The following IGF1 variants were observed in gnomAD, a reference collection of about 807,000 sequenced individuals.
The protein encoded by IGF1 is insulin like growth factor 1.
A neutral mutation model predicts 13.8 loss-of-function variants in IGF1; 4 were observed. The ratio of observed to expected loss-of-function variants is 0.29; its 90% CI spans 0.14 to 0.66. IGF1 has a LOEUF of 0.66. Among genes scored for constraint, IGF1 ranks in the 30% least tolerant of loss-of-function variants. IGF1 has a pLI of 0.78. For missense variants in IGF1, 124 were observed against 188.5 expected (o/e 0.66, Z 2.00); for synonymous variants, 76 against 72.6 (o/e 1.05, Z -0.23).
intron 3 of IGF1, among the ~76,000 whole-genome samples, chr12:102,406,685 A>G (rs17880004): frequency 6.6e-6 from 1 of 152,132 alleles, no homozygotes; most frequent in Non-Finnish European, 1.5e-5. Flanking sequence ...ACAGACACGC[A>G]TATTTAGGGT....
At chr12:102,451,197 T>A (rs1878886623) in intron 2 of IGF1, among the ~76,000 whole-genome samples, 1 of 152,252 alleles carries the variant, frequency 6.6e-6, no homozygotes, top group Non-Finnish European at 1.5e-5. Context: ...AATTGACTCC[T>A]GGATAGGAAT....
intron 2 of IGF1, among the ~76,000 whole-genome samples, chr12:102,430,248 T>C (rs1031095110): frequency 6.6e-6 from 1 of 152,190 alleles, no homozygotes; most frequent in Non-Finnish European, 1.5e-5. Flanking sequence ...GCAGCCTCCA[T>C]TCTCTCTTCT....
intron 2 of IGF1, among the ~76,000 whole-genome samples, chr12:102,459,744 C>G (rs117307544): frequency 6.6e-6 from 1 of 152,142 alleles, no homozygotes; most frequent in Non-Finnish European, 1.5e-5. Flanking sequence ...TGCCTTCTTC[C>G]TTCACCAGAA....
At position 102,399,518 on chromosome 12, in the gene IGF1, AG is replaced by A. The variant is rs1337586205; in HGVS notation, c.*2988del. The A allele has an allele frequency of 6.6e-6, 1 of 152,182 alleles. No homozygotes were observed. Among genetic ancestry groups the A allele is most frequent in the Admixed American group, 6.5e-5 (1 of 15,272 alleles). 9.4% of individuals were successfully genotyped at this position (152,182 alleles called of 1,614,324 possible). Reference sequence around the variant, plus strand: ...TCTGAGTCATTCTGCTGTAGTATATAGTAATCAACTGACTTCCAGGGTTTGC... The same window carrying A: ...TCTGAGTCATTCTGCTGTAGTATATATAATCAACTGACTTCCAGGGTTTGC... On this transcript the variant is annotated 3_prime_UTR_variant, in exon 4 of 4. Transcript: ENST00000337514.
intron 2 of IGF1, among the ~76,000 whole-genome samples, chr12:102,467,509 A>G (rs1880411421): frequency 6.6e-6 from 1 of 152,216 alleles, no homozygotes; most frequent in Non-Finnish European, 1.5e-5. Flanking sequence ...TCAGAATAGT[A>G]TAATATACAA....
intron 2 of IGF1, among the ~76,000 whole-genome samples, chr12:102,464,952 C>A (rs997198367): frequency 6.6e-6 from 1 of 152,096 alleles, no homozygotes. Context: ...ACCCAATCAC[C>A]TCGTGGGGAA....
intron 2 of IGF1, among the ~76,000 whole-genome samples, chr12:102,437,790 A>G (rs1470083512): frequency 6.6e-6 from 1 of 152,268 alleles, no homozygotes; most frequent in East Asian, 1.9e-4. Flanking sequence ...CTCACCACAA[A>G]GAAATGATAA....
At chr12:102,462,391 A>T (rs1156371111) in intron 2 of IGF1, among the ~76,000 whole-genome samples, 1 of 152,188 alleles carries the variant, frequency 6.6e-6, no homozygotes. Flanking sequence ...CCACTGAATG[A>T]CTTTAAAACA....
chr12:102,400,877 A>G lies in IGF1; in HGVS notation c.*1630T>C, dbSNP rs891399690. 7 of 151,998 alleles carry G rather than the reference A, an allele frequency of 4.6e-5. No homozygotes were observed. Among genetic ancestry groups the G allele is most frequent in the Non-Finnish European group, 8.8e-5 (6 of 68,000 alleles). 9.4% of individuals were successfully genotyped at this position (151,998 alleles called of 1,614,324 possible). ...TTTCTCTCTTTTCACTTATCTTTGT[A>G]TTCATAAAACCAAATGCAGAATTCA... On this transcript the variant is annotated 3_prime_UTR_variant, in exon 4 of 4. Coordinates refer to ENST00000337514, the MANE Select transcript of IGF1 (RefSeq NM_000618.5).
intron 2 of IGF1, among the ~76,000 whole-genome samples, chr12:102,473,107 T>C (rs1414196823): frequency 6.6e-6 from 1 of 152,244 alleles, no homozygotes; most frequent in Non-Finnish European, 1.5e-5. Context: ...ATCCAGGCTA[T>C]GAGCTAGACA....
At position 102,423,680 on chromosome 12, in the gene IGF1, A is replaced by G. The variant is rs1249928064; in HGVS notation, c.221-3990T>C. Among the ~76,000 whole-genome samples, 4 of 152,190 alleles carry G rather than the reference A, an allele frequency of 2.6e-5. No individual in the cohort carries two copies. In the East Asian group the frequency reaches 5.8e-4, roughly 22 times the overall value. ...AACAGCACTTCCCTTTAAATAATGC[A>G]TGGTCGGGGAGTAATTCAATAATCT... is the stretch of plus-strand genomic sequence containing the variant. On this transcript the variant is annotated intron_variant, in intron 2 of 3. Transcript: ENST00000337514.
chr12:102,450,168 A>G (rs1281083699), intron 2 of IGF1, among the ~76,000 whole-genome samples: 1 of 152,122 alleles, frequency 6.6e-6, no homozygotes, highest in Non-Finnish European at 1.5e-5. Context: ...TTTTTATATT[A>G]TTCCCCTGTC....
At chr12:102,425,694 G>C (rs1434089992) in intron 2 of IGF1, among the ~76,000 whole-genome samples, 3 of 152,154 alleles carry the variant, frequency 2.0e-5, no homozygotes, top group Non-Finnish European at 2.9e-5. Context: ...AAGTCCTAGG[G>C]GCGATAACAG....
chr12:102,458,742 A>AC (rs1273564077), intron 2 of IGF1, among the ~76,000 whole-genome samples: 2 of 150,538 alleles, frequency 1.3e-5, no homozygotes, highest in East Asian at 3.9e-4. Flanking sequence ...AAAAAAAAAA[A>AC]AAAAACCAAA....
intron 2 of IGF1, among the ~76,000 whole-genome samples, chr12:102,472,860 T>C (rs17796225): frequency 0.25 from 37,650 of 151,952 alleles, 4,764 homozygotes; most frequent in African/African-American, 0.27. Flanking sequence ...CTCTAAGTCA[T>C]TGTTAGTATA....
chr12:102,454,884 A>G (rs975284000), intron 2 of IGF1, among the ~76,000 whole-genome samples: 2 of 152,216 alleles, frequency 1.3e-5, no homozygotes, highest in African/African-American at 4.8e-5. Flanking sequence ...TCATGCCTCT[A>G]TATCACAATG....
chr12:102,476,410 T>TGTGAGAGAGAGA (rs1881045438), intron 1 of IGF1, among the ~76,000 whole-genome samples: 1 of 139,036 alleles, frequency 7.2e-6, no homozygotes, highest in Non-Finnish European at 1.6e-5. Context: ...TTCCTCAATA[T>TGTGAGAGAGAGA]GAGAGAGAGA....
At position 102,430,563 on chromosome 12, in the gene IGF1, C is replaced by A. The variant is rs553673608; in HGVS notation, c.221-10873G>T. Among the ~76,000 whole-genome samples the A allele has an allele frequency of 2.6e-5, 4 of 152,270 alleles. No individual in the cohort carries two copies. The South Asian group carries it at 8.3e-4, about 32-fold the overall frequency. ...GAATGTAGACAGAGCTACACACATCCTCTTAACTGAACTGTAAGTTCAAGC... is the reference window on the plus strand; with the variant it reads ...GAATGTAGACAGAGCTACACACATCATCTTAACTGAACTGTAAGTTCAAGC... On this transcript the variant is annotated intron_variant, in intron 2 of 3. Transcript: ENST00000337514.
At chr12:102,427,284 G>A (rs1876292870) in intron 2 of IGF1, among the ~76,000 whole-genome samples, 1 of 152,022 alleles carries the variant, frequency 6.6e-6, no homozygotes, top group Non-Finnish European at 1.5e-5. Flanking sequence ...TATGCCACCA[G>A]CATTATCTCC....
Sources: allele counts gnomAD v4.1 joint callset (sites outside exome capture counted in the v4.1 genomes callset), GRCh38; gene constraint gnomAD v4.1.1; transcripts MANE v1.5; gene names NCBI Gene and HGNC (gene_info 2026-07-23, HGNC 2026-07-21).